The following SLC25A33 variants were observed in gnomAD, a reference collection of about 807,000 sequenced individuals.
SLC25A33 encodes bone marrow stromal cell mitochondrial carrier protein.
In SLC25A33, 15 loss-of-function variants were observed where a neutral mutation model predicts 35.5. The observed-to-expected ratio is 0.42, with a 90% CI of 0.28 to 0.65. The LOEUF (loss-of-function observed/expected upper bound fraction) is 0.65. Among genes scored for constraint, SLC25A33 ranks in the 30% least tolerant of loss-of-function variants. The pLI, the probability that SLC25A33 is intolerant of heterozygous loss-of-function variation, is 0.20. For synonymous variants in SLC25A33, 136 were observed against 148.7 expected (o/e 0.91, Z 0.62); for missense variants, 257 against 398.5 (o/e 0.64, Z 3.02).
At chr1:9,564,740 ATATATATAT>A (rs1282119447) in intron 2 of SLC25A33, among the ~76,000 whole-genome samples, 2 of 94,196 alleles carry the variant, frequency 2.1e-5, no homozygotes, top group East Asian at 3.5e-4. Context: ...AAAAAAAAAA[ATATATATAT>A]ATATATATAT....
chr1:9,570,640 A>G (rs1409577340), intron 4 of SLC25A33, among the ~76,000 whole-genome samples: 6 of 149,464 alleles, frequency 4.0e-5, no homozygotes, highest in Non-Finnish European at 7.4e-5. Flanking sequence ...TAGGTTTTTC[A>G]TGTCTTCTGT....
intron 2 of SLC25A33, among the ~76,000 whole-genome samples, chr1:9,566,855 T>TAATA (rs1363547567): frequency 2.7e-5 from 4 of 148,448 alleles, no homozygotes; most frequent in Middle Eastern, 3.6e-3. Context: ...TAAATAATAA[T>TAATA]AATAAATAAA....
intron 6 of SLC25A33, among the ~76,000 whole-genome samples, chr1:9,580,781 G>A (rs550693836): frequency 1.3e-5 from 2 of 151,294 alleles, no homozygotes; most frequent in Non-Finnish European, 2.9e-5. Flanking sequence ...GCTTGAACCC[G>A]GGAGGTGGAG....
intron 4 of SLC25A33, 101 bp downstream of exon 4, chr1:9,570,459 C>A: frequency 1.0e-6 from 1 of 993,182 alleles, no homozygotes; most frequent in South Asian, 1.5e-5. Flanking sequence ...TCCTTGCTTC[C>A]TTTGCACCTA....
chr1:9,541,738 A>G (rs1188990994), intron 1 of SLC25A33, among the ~76,000 whole-genome samples: 9 of 151,996 alleles, frequency 5.9e-5, no homozygotes. Flanking sequence ...TCATTTAAAA[A>G]AAAAAAAAAA....
chr1:9,568,341 T>C (rs1281481818), intron 3 of SLC25A33, among the ~76,000 whole-genome samples: 5 of 152,138 alleles, frequency 3.3e-5, no homozygotes, highest in African/African-American at 9.7e-5. Flanking sequence ...CTCTGGAGGC[T>C]GAGGCAGGAG....
chr1:9,567,492 T>A, intron 3 of SLC25A33, 131 bp downstream of exon 3: 1 of 714,522 alleles, frequency 1.4e-6, no homozygotes, highest in East Asian at 2.6e-5. Context: ...ATAGCGGACA[T>A]AGCAAATAGT....
chr1:9,567,503 C>T (rs1400296163), intron 3 of SLC25A33, 142 bp downstream of exon 3: 3 of 655,902 alleles, frequency 4.6e-6, no homozygotes, highest in African/African-American at 3.6e-5. Flanking sequence ...AGCAAATAGT[C>T]ATTGAGAATG....
intron 1 of SLC25A33, among the ~76,000 whole-genome samples, chr1:9,544,931 C>T (rs1219494139): frequency 1.3e-5 from 2 of 152,122 alleles, no homozygotes; most frequent in Non-Finnish European, 2.9e-5. Flanking sequence ...ATTCTGTGTG[C>T]ATAATTTAAA....
rs1643754160 is a variant in SLC25A33 at position 9,582,146 on chromosome 1, T to C, written c.764-153T>C. ...CCAGGCTGGTCTCCAACTCCTGGCC[T>C]CAAGTGATCCACCCGCCTCGGCCTC... On this transcript the variant is annotated intron_variant, in intron 6 of 6. Coordinates refer to ENST00000302692, the MANE Select transcript of SLC25A33 (RefSeq NM_032315.3). The surrounding 1 kb of genome is among the most constrained non-coding windows in gnomAD (Gnocchi z 4.0). Among the ~76,000 whole-genome samples the C allele has an allele frequency of 6.6e-6, 1 of 152,134 alleles. No homozygotes were observed. Among genetic ancestry groups the C allele is most frequent in the African/African-American group, 2.4e-5 (1 of 41,422 alleles).
chr1:9,578,312 A>G lies in SLC25A33; in HGVS notation c.483-1642A>G, dbSNP rs1207259978. Among the ~76,000 whole-genome samples the G allele has an allele frequency of 6.6e-6, 1 of 152,156 alleles. No homozygotes were observed. The highest frequency in any genetic ancestry group is 1.5e-5 in the Non-Finnish European group (1 of 68,024). Reference sequence around the variant, plus strand: ...CGGGAACAGTCTATGCGGAGATAATAAAGAAGGGAGAGAGGCCAGCTGAGA... The same window carrying G: ...CGGGAACAGTCTATGCGGAGATAATGAAGAAGGGAGAGAGGCCAGCTGAGA... On this transcript the variant is annotated intron_variant, in intron 5 of 6. Transcript: ENST00000302692. The surrounding 1 kb of genome is among the most constrained non-coding windows in gnomAD (Gnocchi z 4.3).
chr1:9,559,538 C>CAA (rs142510122), intron 2 of SLC25A33, among the ~76,000 whole-genome samples: 37 of 135,222 alleles, frequency 2.7e-4, no homozygotes, highest in African/African-American at 8.7e-4. Context: ...TTAATAGAGG[C>CAA]AAAAAAAAAA....
At position 9,567,366 on chromosome 1, in the gene SLC25A33, G is replaced by A. The variant is rs1224337244; in HGVS notation, c.314+5G>A. 2 of 1,612,968 alleles carry A rather than the reference G, an allele frequency of 1.2e-6. No homozygotes were observed. Among genetic ancestry groups the A allele is most frequent in the African/African-American group, 2.7e-5 (2 of 74,908 alleles). On this transcript the variant is annotated splice_donor_5th_base_variant and intron_variant, in intron 3 of 6. Coordinates refer to ENST00000302692, the MANE Select transcript of SLC25A33 (RefSeq NM_032315.3). ...GGTTGGAGTTGCACCATCAAGGTAA[G>A]CATTAAACTTTCCAGCTAGCTCATG... is the stretch of plus-strand genomic sequence containing the variant.
intron 2 of SLC25A33, among the ~76,000 whole-genome samples, chr1:9,565,598 G>C (rs1338811216): frequency 2.0e-5 from 3 of 150,466 alleles, no homozygotes; most frequent in Admixed American, 6.6e-5. Context: ...AAAGCAGTTG[G>C]CTGGGTGCAT....
intron 4 of SLC25A33, among the ~76,000 whole-genome samples, chr1:9,570,702 G>GTTTTTTTTTT (rs35547370): frequency 2.0e-5 from 2 of 100,064 alleles, no homozygotes; most frequent in Non-Finnish European, 3.9e-5. Flanking sequence ...GATAGATATA[G>GTTTTTTTTTT]TTTTTTTTTT....
intron 3 of SLC25A33, 64 bp downstream of exon 3, chr1:9,567,425 C>G (rs1305097710): frequency 6.9e-7 from 1 of 1,438,984 alleles, no homozygotes; most frequent in East Asian, 2.3e-5. Context: ...CCTTTCTTAC[C>G]AAAGGGTGAT....
chr1:9,549,070 G>A (rs994532562), intron 1 of SLC25A33, among the ~76,000 whole-genome samples: 4 of 152,158 alleles, frequency 2.6e-5, no homozygotes, highest in African/African-American at 9.7e-5. Context: ...CTTGCTCTGC[G>A]GCCAGATGCC....
At chr1:9,569,915 C>G (rs1372289812) in intron 3 of SLC25A33, among the ~76,000 whole-genome samples, 2 of 144,870 alleles carry the variant, frequency 1.4e-5, no homozygotes, top group African/African-American at 5.0e-5. Flanking sequence ...ATTCTAGAAA[C>G]AAAAAAAAAA....
intron 2 of SLC25A33, among the ~76,000 whole-genome samples, chr1:9,556,616 C>A (rs750511621): frequency 3.9e-5 from 6 of 152,016 alleles, no homozygotes; most frequent in Non-Finnish European, 7.4e-5. Flanking sequence ...ATTTTGGATT[C>A]TTATGGCTTT....
Sources: gnomAD v4.1 joint callset for allele counts (sites outside exome capture counted in the v4.1 genomes callset) on GRCh38, gnomAD v4.1.1 for gene constraint, Gnocchi (gnomAD v3.1) non-coding constraint, MANE v1.5 for transcripts, NCBI Gene and HGNC (gene_info 2026-07-23, HGNC 2026-07-21) for gene names.